Variants in TNRC18 observed in about 807,000 individuals in gnomAD.
TNRC18 encodes the protein trinucleotide repeat containing 18.
A neutral mutation model predicts 226.7 loss-of-function variants in TNRC18; 69 were observed. The observed-to-expected ratio is 0.30, with a 90% CI of 0.25 to 0.37. The LOEUF (loss-of-function observed/expected upper bound fraction) is 0.37, where lower values mean the gene tolerates loss of function less well. Among genes scored for constraint, TNRC18 ranks in the 10% least tolerant of loss-of-function variants. The pLI is 1.00. For synonymous variants in TNRC18, 2,449 were observed against 1,927.6 expected (o/e 1.27, Z -7.09); for missense variants, 4,754 against 4,256.6 (o/e 1.12, Z -3.25).
chr7:5,390,003 G>T, intron 4 of TNRC18: 1 of 195,078 alleles, frequency 5.1e-6, no homozygotes, highest in Non-Finnish European at 1.0e-5. Context: ...AGGACAGTGT[G>T]ACCAGAAGGC....
chr7:5,361,863 G>C, intron 13 of TNRC18, 34 bp downstream of exon 13: 1 of 1,520,998 alleles, frequency 6.6e-7, no homozygotes, highest in Non-Finnish European at 8.8e-7. Context: ...GGCCGGGGCA[G>C]GGGCCCCACG....
chr7:5,420,990 A>G (rs764471811), intron 2 of TNRC18, 70 bp downstream of exon 2: 1 of 1,535,560 alleles, frequency 6.5e-7, no homozygotes, highest in Non-Finnish European at 8.8e-7. Flanking sequence ...CCGCGAGTGC[A>G]CAGGAGGACC....
intron 12 of TNRC18, 120 bp downstream of exon 12, chr7:5,362,530 T>G (rs933999955): frequency 1.3e-5 from 12 of 949,794 alleles, no homozygotes; most frequent in Non-Finnish European, 1.8e-5. Flanking sequence ...GAGCTGAACG[T>G]AGCTCAGGCC....
chr7:5,385,813 A>C (rs1193748580), intron 5 of TNRC18, among the ~76,000 whole-genome samples: 1 of 150,558 alleles, frequency 6.6e-6, no homozygotes, highest in Non-Finnish European at 1.5e-5. Context: ...GTCTCTACTA[A>C]AGAAAAACAA....
Position 5,377,316 on chromosome 7 carries a change from G to GCCCCCCCCCCCCCCC in TNRC18, c.2461+54_2461+55insGGGGGGGGGGGGGGG. ...AGCCCTGAGCTCTTGTCCTGCACCC[G>GCCCCCCCCCCCCCCC]CCCCCTCCCACCCCTCCCTCAGAGA... On this transcript the variant is annotated intron_variant, in intron 7 of 29. Transcript: ENST00000430969. This position sits in a 1 kb window ranked among gnomAD's most constrained non-coding sequence, Gnocchi z 5.8. The GCCCCCCCCCCCCCCC allele has an allele frequency of 8.8e-6, 4 of 453,416 alleles. No homozygotes were observed. The highest frequency in any genetic ancestry group is 1.9e-5 in the South Asian group (1 of 52,786). 28.1% of individuals were successfully genotyped at this position (453,416 alleles called of 1,614,324 possible).
At chr7:5,389,938 G>C (rs1392867988) in intron 4 of TNRC18, 1 of 130,838 alleles carries the variant, frequency 7.6e-6, no homozygotes, top group East Asian at 4.7e-4. Flanking sequence ...TCTGTAAAAG[G>C]AGAGACCAGG....
chr7:5,345,522 T>TCCCCCCCCCCC, intron 18 of TNRC18, 40 bp downstream of exon 18: 1 of 170,136 alleles, frequency 5.9e-6, no homozygotes, highest in Non-Finnish European at 1.1e-5. Flanking sequence ...CGTCCGCCCC[T>TCCCCCCCCCCC]CCCACCCACC....
chr7:5,401,912 A>G (rs7793360), intron 2 of TNRC18, among the ~76,000 whole-genome samples: 58,761 of 151,952 alleles, frequency 0.39, 12,437 homozygotes, highest in East Asian at 0.85. Flanking sequence ...GTGGTGGCTC[A>G]CACCTGTAAT....
chr7:5,420,444 G>A (rs1584142005), intron 2 of TNRC18: 1 of 454,426 alleles, frequency 2.2e-6, no homozygotes, highest in South Asian at 1.6e-5. Flanking sequence ...CCCTCCTACC[G>A]GGGTGCAGGT....
At chr7:5,401,312 C>G (rs1781073653) in intron 2 of TNRC18, among the ~76,000 whole-genome samples, 1 of 152,070 alleles carries the variant, frequency 6.6e-6, no homozygotes, top group African/African-American at 2.4e-5. Context: ...TTGTCACTGC[C>G]AATGGGCTAG....
chr7:5,355,778 T>C (rs1476637138), intron 16 of TNRC18, among the ~76,000 whole-genome samples: 1 of 152,108 alleles, frequency 6.6e-6, no homozygotes, highest in Non-Finnish European at 1.5e-5. Flanking sequence ...CTCGGAGGGC[T>C]AAGGCAGGAA....
At position 5,387,691 on chromosome 7, in the gene TNRC18, C is replaced by G. The variant is rs575229236; in HGVS notation, c.2133G>C (p.Leu711=). 2.5e-6 allele frequency: 4 copies of G among 1,604,918 alleles called. No homozygotes were observed. The South Asian group carries it at 4.4e-5, about 18-fold the overall frequency. Residue 711 remains leucine, a synonymous_variant, in exon 5 of 30, where the codon CTG becomes CTC. Coordinates refer to ENST00000430969, the MANE Select transcript of TNRC18 (RefSeq NM_001080495.3). ...GPGLVDQERS[L]SLSNVKGHGR... is the part of the protein sequence containing the mutation. ...ACCTACCTTTGACGTTACTCAGCGA[C>G]AGAGAGCGCTCCTGGTCTACCAGCC...
At chr7:5,334,053 G>A (rs1278503886) in intron 18 of TNRC18, among the ~76,000 whole-genome samples, 1 of 152,134 alleles carries the variant, frequency 6.6e-6, no homozygotes, top group African/African-American at 2.4e-5. Flanking sequence ...CTTCACTCAG[G>A]GATGCAATCT....
Position 5,307,207 on chromosome 7 carries a change from GTT to G in TNRC18, c.*897_*898del, listed in dbSNP as rs11447827. ...AAAATAATATTCTGCACGTCAGAAT[GTT>G]TTTTTTTATAATTTCATAGCTATTT... On this transcript the variant is annotated 3_prime_UTR_variant, in exon 30 of 30. Transcript: ENST00000430969. 5 of 146,802 alleles carry G rather than the reference GTT, an allele frequency of 3.4e-5. No individual in the cohort carries two copies. Among genetic ancestry groups the G allele is most frequent in the African/African-American group, 1.2e-4 (5 of 40,168 alleles). 9.1% of individuals were successfully genotyped at this position (146,802 alleles called of 1,614,324 possible).
rs1787468132 is a variant in TNRC18, at chr7:5,313,256, G to C, written c.7635C>G (p.Asp2545Glu). The stretch of plus-strand genomic sequence containing the variant: ...CCCCGTCCTGCTCAGCCTGGGCCTT[G>C]TCTGGGCTCTTGGGGTTCCCAGAGT... Reference protein sequence around the residue: ...FEDSGNPKSPDKAQAEQDGAE... With the variant: ...FEDSGNPKSPEKAQAEQDGAE... Residue 2545 changes from aspartate (D) to glutamate (E), a missense_variant, in exon 27 of 30, where the codon GAC (aspartate) becomes GAG (glutamate). Asp to Glu is a conservative substitution (Grantham distance 45). Transcript: ENST00000430969. 1 of 1,548,846 alleles carries C rather than the reference G, an allele frequency of 6.5e-7. No individual in the cohort carries two copies. Among genetic ancestry groups the C allele is most frequent in the Middle Eastern group, 2.2e-4 (1 of 4,556 alleles).
chr7:5,408,569 T>C (rs1481878830), intron 2 of TNRC18, among the ~76,000 whole-genome samples: 8 of 149,354 alleles, frequency 5.4e-5, no homozygotes. Flanking sequence ...ACCTAGGAGG[T>C]GGAGGTAGGT....
Position 5,376,067 on chromosome 7 carries a change from C to A in TNRC18, c.2766G>T (p.Gln922His). The change falls in exon 9 of 30, where the codon CAG becomes CAT. Residue 922 changes from glutamine (Q) to histidine (H), a missense_variant. Coordinates refer to ENST00000430969, the MANE Select transcript of TNRC18 (RefSeq NM_001080495.3). ...EFLYLQQQAAQALELQRSAQL... is the reference protein window; with the variant it reads ...EFLYLQQQAAHALELQRSAQL... ...GGGCGCTCCTCTGCAGTTCCAAGGC[C>A]TGGGCCGCCTGCTGCTGCAGGTACA... is the stretch of plus-strand genomic sequence containing the variant. 2 of 1,597,068 alleles carry A rather than the reference C, an allele frequency of 1.3e-6. No homozygotes were observed. Among genetic ancestry groups the A allele is most frequent in the Non-Finnish European group, 1.7e-6 (2 of 1,173,172 alleles).
chr7:5,344,910 T>C (rs981391710), intron 18 of TNRC18, among the ~76,000 whole-genome samples: 5 of 152,088 alleles, frequency 3.3e-5, no homozygotes, highest in Non-Finnish European at 5.9e-5. Flanking sequence ...AGGAAAGACA[T>C]GGACCGGGGT....
intron 2 of TNRC18, among the ~76,000 whole-genome samples, chr7:5,397,683 C>T (rs1390259018): frequency 6.6e-6 from 1 of 152,190 alleles, no homozygotes; most frequent in Non-Finnish European, 1.5e-5. Flanking sequence ...GCCCGTCAGG[C>T]ACGAACTCCC....
Sources: gnomAD v4.1 joint callset for allele counts (sites outside exome capture counted in the v4.1 genomes callset) on GRCh38, gnomAD v4.1.1 for gene constraint, Gnocchi (gnomAD v3.1) non-coding constraint, MANE v1.5 for transcripts, NCBI Gene and HGNC (gene_info 2026-07-23, HGNC 2026-07-21) for gene names.